The following DNAH14 variants were observed in gnomAD, a reference collection of about 807,000 sequenced individuals.
The protein encoded by DNAH14 is axonemal beta dynein heavy chain 14.
A neutral mutation model predicts 520.9 loss-of-function variants in DNAH14; 478 were observed. The observed-to-expected ratio is 0.92, with a 90% CI of 0.85 to 0.99. The LOEUF is 0.99. Ranked by LOEUF, DNAH14 falls within the 50% of genes least tolerant of loss-of-function variation. The pLI is 0.00. For missense variants in DNAH14, 4,831 were observed against 5,234.5 expected (o/e 0.92, Z 2.38); for synonymous variants, 1,581 against 1,757.2 (o/e 0.90, Z 2.51).
At chr1:225,066,708 C>T (rs1019464323) in intron 17 of DNAH14, among the ~76,000 whole-genome samples, 7 of 152,006 alleles carry the variant, frequency 4.6e-5, no homozygotes, top group African/African-American at 1.4e-4. Flanking sequence ...CCTTTGCATC[C>T]TTATAGCTTA....
At position 225,211,758 on chromosome 1, in the gene DNAH14, C is replaced by A. The variant is rs530938438; in HGVS notation, c.6439+4538C>A. On this transcript the variant is annotated intron_variant, in intron 41 of 85. Coordinates refer to ENST00000682510, the MANE Select transcript of DNAH14 (RefSeq NM_001367479.1). The stretch of plus-strand genomic sequence containing the variant: ...GCAACCAGAGAGAAAGGTTGGGTTA[C>A]CCACAAAGGGAAGCCCATCAGACTA... Among the ~76,000 whole-genome samples, 746 of 152,208 alleles carry A rather than the reference C, an allele frequency of 4.9e-3. 3 individuals are homozygous for A. The highest frequency in any genetic ancestry group is 8.3e-3 in the Non-Finnish European group (567 of 68,004).
chr1:225,152,641 T>C (rs1433460778), intron 32 of DNAH14, 56 bp from the exon 33 acceptor site: 17 of 1,438,852 alleles, frequency 1.2e-5, no homozygotes, highest in Non-Finnish European at 1.5e-5. Context: ...TGTGATTCCT[T>C]ATTTGAAAAA....
intron 69 of DNAH14, among the ~76,000 whole-genome samples, chr1:225,341,364 G>A (rs1351292272): frequency 6.6e-6 from 1 of 152,216 alleles, no homozygotes; most frequent in Non-Finnish European, 1.5e-5. Context: ...GCTCACGCCT[G>A]TAATCCCAAC....
intron 55 of DNAH14, among the ~76,000 whole-genome samples, chr1:225,295,301 C>T (rs971032808): frequency 4.6e-5 from 7 of 151,748 alleles, no homozygotes; most frequent in African/African-American, 7.3e-5. Context: ...ATTTTGGGTT[C>T]GTTTGTTCTT....
intron 11 of DNAH14, among the ~76,000 whole-genome samples, chr1:225,026,548 C>G (rs996638571): frequency 2.0e-5 from 3 of 152,124 alleles, no homozygotes; most frequent in Non-Finnish European, 2.9e-5. Flanking sequence ...TCTTGGCACC[C>G]TCGTTGACAA....
chr1:225,086,819 A>G (rs2073859940), intron 21 of DNAH14, among the ~76,000 whole-genome samples: 1 of 152,206 alleles, frequency 6.6e-6, no homozygotes, highest in Non-Finnish European at 1.5e-5. Flanking sequence ...AATGTAAGCT[A>G]ATTTTTTAAA....
chr1:225,122,711 AT>A (rs1318062819), intron 26 of DNAH14, among the ~76,000 whole-genome samples: 5 of 152,202 alleles, frequency 3.3e-5, no homozygotes, highest in Non-Finnish European at 5.9e-5. Context: ...TGGAAGAGAC[AT>A]TTCACACTGA....
At chr1:225,049,045 C>CTT (rs1196968494) in intron 15 of DNAH14, among the ~76,000 whole-genome samples, 5 of 87,116 alleles carry the variant, frequency 5.7e-5, no homozygotes, top group Admixed American at 3.1e-4. Context: ...GATCTCTTGC[C>CTT]TATTTTTTTT....
chr1:225,114,565 A>T (rs565337973), intron 23 of DNAH14, among the ~76,000 whole-genome samples: 7 of 152,274 alleles, frequency 4.6e-5, no homozygotes, highest in African/African-American at 1.4e-4. Context: ...GGACTTGCCT[A>T]GGACTTGCAG....
At chr1:225,332,867 G>A (rs2094831089) in intron 65 of DNAH14, among the ~76,000 whole-genome samples, 1 of 151,448 alleles carries the variant, frequency 6.6e-6, no homozygotes, top group Non-Finnish European at 1.5e-5. Flanking sequence ...GAGCATGGTG[G>A]CACATGCCTG....
chr1:225,174,028 G>A (rs528206875), intron 36 of DNAH14, among the ~76,000 whole-genome samples: 30 of 152,076 alleles, frequency 2.0e-4, no homozygotes, highest in African/African-American at 4.1e-4. Flanking sequence ...ACCAAACACC[G>A]CATGTTCTCA....
At chr1:225,370,645 T>C (rs1371092018) in intron 77 of DNAH14, among the ~76,000 whole-genome samples, 1 of 152,032 alleles carries the variant, frequency 6.6e-6, no homozygotes, top group East Asian at 1.9e-4. Context: ...CTTAAATGTC[T>C]CCAGTATTAA....
intron 17 of DNAH14, among the ~76,000 whole-genome samples, chr1:225,057,583 G>A (rs2069310237): frequency 6.6e-6 from 1 of 152,152 alleles, no homozygotes; most frequent in African/African-American, 2.4e-5. Context: ...AGAGTGGTGA[G>A]AGAGGGCATC....
intron 36 of DNAH14, among the ~76,000 whole-genome samples, chr1:225,180,659 A>T (rs1256863060): frequency 1.3e-5 from 2 of 152,126 alleles, no homozygotes; most frequent in Non-Finnish European, 1.5e-5. Context: ...CAAGATATAA[A>T]CACTTCTCAT....
intron 34 of DNAH14, among the ~76,000 whole-genome samples, chr1:225,156,452 T>G (rs1244587754): frequency 3.3e-5 from 5 of 152,140 alleles, no homozygotes; most frequent in African/African-American, 1.2e-4. Context: ...TTTCCTGGCT[T>G]ACGACCACAG....
chr1:225,311,196 C>A (rs1231796877), intron 60 of DNAH14, among the ~76,000 whole-genome samples: 1 of 152,116 alleles, frequency 6.6e-6, no homozygotes, highest in Non-Finnish European at 1.5e-5. Flanking sequence ...CTCTAATGAC[C>A]AGTAATGATA....
chr1:224,986,697 A>G (rs1434478031), intron 8 of DNAH14, among the ~76,000 whole-genome samples: 7 of 152,210 alleles, frequency 4.6e-5, no homozygotes, highest in African/African-American at 1.7e-4. Flanking sequence ...AAAGCCATGT[A>G]TGACAGATTC....
intron 28 of DNAH14, among the ~76,000 whole-genome samples, chr1:225,141,639 C>T (rs1198031781): frequency 1.3e-5 from 2 of 152,090 alleles, no homozygotes; most frequent in Admixed American, 6.5e-5. Context: ...TTGATAGTTA[C>T]ATTCTCCCAT....
chr1:225,341,666 A>G (rs997741917), intron 69 of DNAH14, among the ~76,000 whole-genome samples: 4 of 152,190 alleles, frequency 2.6e-5, no homozygotes, highest in Non-Finnish European at 5.9e-5. Flanking sequence ...AACTCCTTCA[A>G]ACAAACAAAC....
Sources: allele counts gnomAD v4.1 joint callset (sites outside exome capture counted in the v4.1 genomes callset), GRCh38; gene constraint gnomAD v4.1.1; transcripts MANE v1.5; gene names NCBI Gene and HGNC (gene_info 2026-07-23, HGNC 2026-07-21).